Variants in UGT1A8 observed in about 807,000 individuals in gnomAD.
UGT1A8 encodes UDP-glucuronosyltransferase 1A8.
Under a neutral mutation model 45.3 loss-of-function variants are expected in UGT1A8, and 39 were observed. The observed-to-expected ratio is 0.86, with a 90% CI of 0.67 to 1.12. The LOEUF (loss-of-function observed/expected upper bound fraction) is 1.12. Among genes scored for constraint, UGT1A8 ranks in the 50% most tolerant of loss-of-function variants. UGT1A8 has a pLI of 0.00. For synonymous variants in UGT1A8, 275 were observed against 249.2 expected (o/e 1.10, Z -0.97); for missense variants, 719 against 664.9 (o/e 1.08, Z -0.90).
chr2:233,735,747 T>C (rs933103602), intron 1 of UGT1A8, among the ~76,000 whole-genome samples: 3 of 152,290 alleles, frequency 2.0e-5, no homozygotes, highest in African/African-American at 7.2e-5. Context: ...TATAAAGGAT[T>C]TTATTTCTCC....
At chr2:233,766,592 C>T (rs1699195975) in intron 1 of UGT1A8, among the ~76,000 whole-genome samples, 1 of 152,146 alleles carries the variant, frequency 6.6e-6, no homozygotes, top group Admixed American at 6.5e-5. Flanking sequence ...GGAGCCCTCG[C>T]CAGGGACCAC....
At chr2:233,736,366 C>A (rs985371581) in intron 1 of UGT1A8, among the ~76,000 whole-genome samples, 1 of 152,198 alleles carries the variant, frequency 6.6e-6, no homozygotes, top group African/African-American at 2.4e-5. Context: ...TCCATCAGGT[C>A]ATTTAAGGTC....
chr2:233,761,524 A>G (rs1388397599), intron 1 of UGT1A8, among the ~76,000 whole-genome samples: 1 of 152,234 alleles, frequency 6.6e-6, no homozygotes, highest in Non-Finnish European at 1.5e-5. Flanking sequence ...AATGTTCAGG[A>G]CTGATGAAAT....
At chr2:233,667,411 C>A (rs1194173142) in intron 1 of UGT1A8, among the ~76,000 whole-genome samples, 2 of 152,172 alleles carry the variant, frequency 1.3e-5, no homozygotes, top group African/African-American at 2.4e-5. Context: ...AAATGTTAGA[C>A]CTTAAACCAT....
chr2:233,690,770 C>G, intron 1 of UGT1A8: 7 of 1,084,308 alleles, frequency 6.5e-6, no homozygotes, highest in Non-Finnish European at 8.0e-6. Context: ...TACACACACA[C>G]ACACATACAC....
intron 1 of UGT1A8, among the ~76,000 whole-genome samples, chr2:233,734,079 A>C (rs1004495311): frequency 1.5e-4 from 23 of 152,156 alleles, no homozygotes; most frequent in African/African-American, 5.6e-4. Context: ...CACATTGTGC[A>C]CATGCACCCT....
intron 1 of UGT1A8, chr2:233,743,575 G>A (rs1692358065): frequency 7.3e-7 from 1 of 1,367,206 alleles, no homozygotes; most frequent in East Asian, 4.5e-5. Flanking sequence ...GGTTTCCCAA[G>A]AGGTCAAAGG....
intron 1 of UGT1A8, chr2:233,760,456 A>T (rs1341101614): frequency 6.2e-7 from 1 of 1,614,230 alleles, no homozygotes; most frequent in Non-Finnish European, 8.5e-7. Flanking sequence ...GGGACATGAA[A>T]TAGTTGTCCT....
chr2:233,693,633 C>T (rs368362776), intron 1 of UGT1A8: 3 of 1,614,064 alleles, frequency 1.9e-6, no homozygotes, highest in Admixed American at 3.3e-5. Flanking sequence ...CAACGAGTGG[C>T]CAACTTCCTT....
Position 233,736,712 on chromosome 2 carries a change from C to T in UGT1A8, c.856-30322C>T, listed in dbSNP as rs373789864. On this transcript the variant is annotated intron_variant, in intron 1 of 4. Coordinates refer to ENST00000373450, the MANE Select transcript of UGT1A8 (RefSeq NM_019076.5). ...ACAGATGGGGTTTTGGTGTAGATGT[C>T]CTTTTTGTTGATGTTTATGCTGTTC... Among the ~76,000 whole-genome samples, 3 of 152,156 alleles carry T rather than the reference C, an allele frequency of 2.0e-5. No individual in the cohort carries two copies. In the East Asian group the frequency reaches 5.8e-4, roughly 29 times the overall value.
chr2:233,761,212 G>A (rs1200424446), intron 1 of UGT1A8: 5 of 1,613,556 alleles, frequency 3.1e-6, no homozygotes, highest in Non-Finnish European at 2.5e-6. Flanking sequence ...ACTTTGGATC[G>A]ATTAACTAGC....
chr2:233,698,490 C>A (rs2075443801), intron 1 of UGT1A8, among the ~76,000 whole-genome samples: 1 of 152,106 alleles, frequency 6.6e-6, no homozygotes. Flanking sequence ...AAAATGCAGT[C>A]CTCATTAGGC....
chr2:233,741,255 T>A (rs1029860579), intron 1 of UGT1A8, among the ~76,000 whole-genome samples: 2 of 151,880 alleles, frequency 1.3e-5, no homozygotes, highest in Non-Finnish European at 2.9e-5. Context: ...GGTATGCCAC[T>A]CTTTGCTGAC....
chr2:233,656,838 C>T (rs1317459705), intron 1 of UGT1A8, among the ~76,000 whole-genome samples: 2 of 152,080 alleles, frequency 1.3e-5, no homozygotes, highest in African/African-American at 2.4e-5. Flanking sequence ...ATTTTCTTTT[C>T]AGTTTACACG....
At chr2:233,623,511 T>A (rs906593891) in intron 1 of UGT1A8, among the ~76,000 whole-genome samples, 8 of 151,982 alleles carry the variant, frequency 5.3e-5, no homozygotes, top group African/African-American at 1.7e-4. Flanking sequence ...CTAGTCATTT[T>A]AAAAAGAAAT....
intron 1 of UGT1A8, among the ~76,000 whole-genome samples, chr2:233,745,730 G>T (rs1693190867): frequency 6.6e-6 from 1 of 150,482 alleles, no homozygotes; most frequent in Non-Finnish European, 1.5e-5. Context: ...GAGGGTAAGA[G>T]GCAGAGGGAG....
intron 1 of UGT1A8, among the ~76,000 whole-genome samples, chr2:233,669,222 A>G (rs553515955): frequency 2.4e-4 from 37 of 152,028 alleles, no homozygotes; most frequent in Admixed American, 6.5e-4. Context: ...TAGATTTGTA[A>G]TAAGTCTTGA....
chr2:233,725,068 TCGCAGGCAC>T (rs1237971327), intron 1 of UGT1A8, among the ~76,000 whole-genome samples: 1 of 146,188 alleles, frequency 6.8e-6, no homozygotes, highest in South Asian at 2.4e-4. Context: ...GCGCCTGCAA[TCGCAGGCAC>T]TCGGCAGGCT....
At chr2:233,672,599 G>T (rs772418161) in intron 1 of UGT1A8, 2 of 1,613,822 alleles carry the variant, frequency 1.2e-6, no homozygotes, top group Admixed American at 3.3e-5. Flanking sequence ...TTATGCCACC[G>T]TTTTTTCAAA....
Sources: allele counts gnomAD v4.1 joint callset (sites outside exome capture counted in the v4.1 genomes callset), GRCh38; gene constraint gnomAD v4.1.1; transcripts MANE v1.5; gene names NCBI Gene and HGNC (gene_info 2026-07-23, HGNC 2026-07-21).